Variants in FGA observed in about 807,000 individuals in gnomAD.
FGA encodes fibrinogen, A alpha polypeptide.
Under a neutral mutation model 20.3 loss-of-function variants are expected in FGA, and 20 were observed. The observed-to-expected ratio is 0.99, with a 90% CI of 0.69 to 1.43. The LOEUF is 1.43. Ranked by LOEUF, FGA falls within the 40% of genes most tolerant of loss-of-function variation. The pLI is 0.00. For missense variants in FGA, 777 were observed against 784.7 expected, an observed-to-expected ratio of 0.99 and a Z score of 0.12; for synonymous variants, 306 against 281.6, an observed-to-expected ratio of 1.09 and a Z score of -0.87.
At position 154,586,847 on chromosome 4, in the gene FGA, C is replaced by CA. The variant is rs764043296; in HGVS notation, c.581dup (p.Lys195GlufsTer4). The CA allele has an allele frequency of 6.2e-7, 1 of 1,614,150 alleles. No individual in the cohort carries two copies. The highest frequency in any genetic ancestry group is 8.5e-7 in the Non-Finnish European group (1 of 1,180,008). ...GCTTCTGCTGATCTTCATAGTCCTT[C>CA]AGATCTACTTCACGAGCTAAAGCCC... On this transcript the variant is annotated frameshift_variant, in exon 5 of 5. Transcript: ENST00000403106. LOFTEE classifies it low-confidence loss of function (END_TRUNC).
intron 3 of FGA, among the ~76,000 whole-genome samples, 166 bp from the exon 4 acceptor site, chr4:154,587,823 A>C (rs1361828582): frequency 1.3e-5 from 2 of 152,120 alleles, no homozygotes; most frequent in Non-Finnish European, 2.9e-5. Context: ...AAAGAAAGAA[A>C]CTAGCTTGTA....
chr4:154,583,948 C>T (rs1346881710), downstream of FGA: 2 of 622,246 alleles, frequency 3.2e-6, no homozygotes, highest in Middle Eastern at 4.3e-4. Context: ...CCTTACATAA[C>T]TTTATTTTTC....
rs762964798 is a variant in FGA, at chr4:154,589,499, CA to C, written c.117del (p.Val40TrpfsTer31). On this transcript the variant is annotated frameshift_variant, in exon 2 of 5. Transcript: ENST00000403106. LOFTEE classifies it high-confidence loss of function. Reference sequence around the variant, plus strand: ...TTGCAGGCAGATTGATGTCTTTCCACAACCCTTGGGCCACGCACGCCTCCTC... The same window carrying C: ...TTGCAGGCAGATTGATGTCTTTCCACACCCTTGGGCCACGCACGCCTCCTC... The part of the protein sequence containing the change: ...AEGGGVRGPR[V>X]VERHQSACKD... 3.2e-5 allele frequency: 52 copies of C among 1,613,976 alleles called. No individual in the cohort carries two copies. The highest frequency in any genetic ancestry group is 4.2e-5 in the Non-Finnish European group (50 of 1,180,000).
rs2110809289 is a variant in FGA, at chr4:154,585,877, C to T, written c.1552G>A (p.Ala518Thr). 1 of 1,614,054 alleles carries T rather than the reference C, an allele frequency of 6.2e-7. No homozygotes were observed. The highest frequency in any genetic ancestry group is 8.5e-7 in the Non-Finnish European group (1 of 1,179,964). The part of the protein sequence containing the change: ...GFRHRHPDEA[A>T]FFDTASTGKT... ...CCAGTTGAGGCAGTGTCGAAGAAGG[C>T]AGCTTCATCAGGGTGCCTATGGCGG... The change falls in exon 5 of 5, where the codon GCC becomes ACC. Residue 518 changes from alanine to threonine, a missense_variant. Coordinates refer to ENST00000403106, the MANE Select transcript of FGA (RefSeq NM_021871.4).
downstream of FGA, chr4:154,584,276 G>A: frequency 6.2e-7 from 1 of 1,614,102 alleles, no homozygotes; most frequent in African/African-American, 1.3e-5. Context: ...ATTCCATTGA[G>A]ATTGGCTGCT....
In FGA at chr4:154,586,794, A is replaced by G; in HGVS notation, c.635T>C (p.Leu212Ser). ...KQLEQVIAKD[L>S]LPSRDRQHLP... ...GTGTTGCCTATCTCTAGAGGGAAGT[A>G]AGTCTTTGGCAATGACCTGTTCAAG... The change falls in exon 5 of 5, where the codon TTA becomes TCA. Residue 212 changes from leucine to serine, a missense_variant. By Grantham distance (145) the Leu-to-Ser change is moderately radical. Coordinates refer to ENST00000403106, the MANE Select transcript of FGA (RefSeq NM_021871.4). The G allele has an allele frequency of 6.2e-7, 1 of 1,614,152 alleles. No homozygotes were observed. The highest frequency in any genetic ancestry group is 2.2e-5 in the East Asian group (1 of 44,872).
At chr4:154,584,251 C>T, downstream of FGA, 1 of 1,613,918 alleles carries the variant, frequency 6.2e-7, no homozygotes, top group Non-Finnish European at 8.5e-7. Context: ...GTCATAGGAG[C>T]CCCCAGGGTA....
In FGA at chr4:154,587,596, C is replaced by T; in HGVS notation, c.426G>A (p.Lys142=). The change falls in exon 4 of 5, where the codon AAG becomes AAA. Residue 142 remains lysine, a synonymous_variant. Coordinates refer to ENST00000403106, the MANE Select transcript of FGA (RefSeq NM_021871.4). The part of the protein sequence containing the change: ...EDLRSRIEVL[K]RKVIEKVQHI... ...GCTGTACTTTTTCTATGACTTTGCG[C>T]TTCAGGACTTCAATTCTGCTTCTCA... 1 of 1,613,940 alleles carries T rather than the reference C, an allele frequency of 6.2e-7. No individual in the cohort carries two copies. The highest frequency in any genetic ancestry group is 8.5e-7 in the Non-Finnish European group (1 of 1,179,936).
intron 1 of FGA, 105 bp from the exon 2 acceptor site, chr4:154,589,667 C>G (rs140094919): frequency 1.1e-3 from 1,492 of 1,300,120 alleles, no homozygotes; most frequent in Non-Finnish European, 1.4e-3. Flanking sequence ...GGCACTCTCA[C>G]AGAGATTAAG....
At chr4:154,588,126 T>C (rs1479614214) in intron 3 of FGA, among the ~76,000 whole-genome samples, 1 of 152,210 alleles carries the variant, frequency 6.6e-6, no homozygotes, top group South Asian at 2.1e-4. Flanking sequence ...TTCTTTTTAA[T>C]CTATAGATTT....
At chr4:154,589,335 T>C in intron 2 of FGA, 102 bp downstream of exon 2, 1 of 1,389,248 alleles carries the variant, frequency 7.2e-7, no homozygotes, top group South Asian at 1.2e-5. Context: ...ACTATTCAAT[T>C]ATTTTCTATT....
At chr4:154,589,316 A>G in intron 2 of FGA, 121 bp downstream of exon 2, 1 of 1,188,442 alleles carries the variant, frequency 8.4e-7, no homozygotes, top group Non-Finnish European at 1.2e-6. Flanking sequence ...TTTATTTGCT[A>G]TGTAGGTAAC....
In FGA at chr4:154,586,446, G is replaced by A; in HGVS notation, c.983C>T (p.Pro328Leu). Residue 328 changes from proline (P) to leucine (L), a missense_variant, in exon 5 of 5, where the codon CCT (proline) becomes CTT (leucine). Coordinates refer to ENST00000403106, the MANE Select transcript of FGA (RefSeq NM_021871.4). ...TATWKPGSSG[P>L]GSTGSWNSGS... is the part of the protein sequence containing the mutation. ...AGAGTTCCAGCTTCCAGTACTTCCA[G>A]GTCCAGAGCTCCCAGGTTTCCAGGT... 1 of 1,609,456 alleles carries A rather than the reference G, an allele frequency of 6.2e-7. No homozygotes were observed. Among genetic ancestry groups the A allele is most frequent in the Non-Finnish European group, 8.5e-7 (1 of 1,177,172 alleles).
At position 154,587,617 on chromosome 4, in the gene FGA, T is replaced by C; in HGVS notation, c.405A>G (p.Arg135=). 6.2e-7 allele frequency: 1 copy of C among 1,613,942 alleles called. No homozygotes were observed. The highest frequency in any genetic ancestry group is 8.5e-7 in the Non-Finnish European group (1 of 1,179,950). Residue 135 remains arginine (R), a synonymous_variant, in exon 4 of 5, where the codon AGA becomes AGG. Coordinates refer to ENST00000403106, the MANE Select transcript of FGA (RefSeq NM_021871.4). ...NTYNRVSEDL[R]SRIEVLKRKV... ...TGCGCTTCAGGACTTCAATTCTGCT[T>C]CTCAGATCCTCTGACACTCGGTTGT... is the stretch of plus-strand genomic sequence containing the variant.
chr4:154,587,717 C>CA (rs1283767639), intron 3 of FGA, 60 bp from the exon 4 acceptor site: 3 of 1,181,624 alleles, frequency 2.5e-6, no homozygotes, highest in African/African-American at 1.9e-5. Context: ...TAATTGCCAG[C>CA]AAAAAAGAAA....
In FGA at chr4:154,587,655, G is replaced by A. The variant is rs1388949358; in HGVS notation, c.367C>T (p.Arg123Cys). 5 of 1,613,242 alleles carry A rather than the reference G, an allele frequency of 3.1e-6. No homozygotes were observed. Among genetic ancestry groups the A allele is most frequent in the Non-Finnish European group, 3.4e-6 (4 of 1,179,732 alleles). ...GACACTCGGTTGTAGGTATTATCACGGTCTGAAATCGAAAATATGGTTATT... is the reference window on the plus strand; with the variant it reads ...GACACTCGGTTGTAGGTATTATCACAGTCTGAAATCGAAAATATGGTTATT... ...LRGDFSSANNRDNTYNRVSED... is the reference protein window; with the variant it reads ...LRGDFSSANNCDNTYNRVSED... The change falls in exon 4 of 5, where the codon CGT becomes TGT. Residue 123 changes from arginine (R) to cysteine (C), a missense_variant and splice_region_variant. Physicochemically the swap from Arg to Cys is radical, Grantham distance 180. Coordinates refer to ENST00000403106, the MANE Select transcript of FGA (RefSeq NM_021871.4).
At chr4:154,584,260 T>C (rs1278108304), downstream of FGA, 1 of 1,613,966 alleles carries the variant, frequency 6.2e-7, no homozygotes, top group Non-Finnish European at 8.5e-7. Context: ...GCCCCCAGGG[T>C]AGTAGATTCC....
Position 154,589,485 on chromosome 4 carries a change from T to A in FGA, c.132A>T (p.Gln44His). The A allele has an allele frequency of 6.2e-7, 1 of 1,614,106 alleles. No homozygotes were observed. Among genetic ancestry groups the A allele is most frequent in the South Asian group, 1.1e-5 (1 of 91,086 alleles). ...VRGPRVVERH[Q>H]SACKDSDWPF... Reference sequence around the variant, plus strand: ...GCCAGTCTGAATCTTTGCAGGCAGATTGATGTCTTTCCACAACCCTTGGGC... The same window carrying A: ...GCCAGTCTGAATCTTTGCAGGCAGAATGATGTCTTTCCACAACCCTTGGGC... The change falls in exon 2 of 5, where the codon CAA becomes CAT. Residue 44 changes from glutamine to histidine, a missense_variant. Physicochemically the swap from Gln to His is conservative, Grantham distance 24. Transcript: ENST00000403106.
At position 154,586,688 on chromosome 4, in the gene FGA, C is replaced by T. The variant is rs1578796564; in HGVS notation, c.741G>A (p.Glu247=). The T allele has an allele frequency of 6.2e-7, 1 of 1,614,218 alleles. No individual in the cohort carries two copies. Among genetic ancestry groups the T allele is most frequent in the East Asian group, 2.2e-5 (1 of 44,884 alleles). The change falls in exon 5 of 5, where the codon GAG becomes GAA. Residue 247 remains glutamate (E), a synonymous_variant. Coordinates refer to ENST00000403106, the MANE Select transcript of FGA (RefSeq NM_021871.4). ...FKSQLQKVPP[E]WKALTDMPQM... is the part of the protein sequence containing the mutation. The stretch of plus-strand genomic sequence containing the variant: ...GCGGCATGTCTGTTAATGCCTTCCA[C>T]TCTGGGGGTACCTTCTGAAGCTGGC...
Sources: gnomAD v4.1 joint callset for allele counts (sites outside exome capture counted in the v4.1 genomes callset) on GRCh38, gnomAD v4.1.1 for gene constraint, MANE v1.5 for transcripts, NCBI Gene and HGNC (gene_info 2026-07-23, HGNC 2026-07-21) for gene names.